Variants in WDR37 observed in about 807,000 individuals in gnomAD.
WDR37 encodes the protein WD repeat domain 37.
Under a neutral mutation model 62.9 loss-of-function variants are expected in WDR37, and 19 were observed. The ratio of observed to expected loss-of-function variants is 0.30; its 90% confidence interval spans 0.21 to 0.44. The LOEUF is 0.44. Ranked by LOEUF, WDR37 falls within the 20% of genes least tolerant of loss-of-function variation. The pLI is 1.00. For synonymous variants in WDR37, 250 were observed against 260.9 expected (o/e 0.96, Z 0.40); for missense variants, 474 against 657.6 (o/e 0.72, Z 3.05).
chr10:1,102,711 C>G (rs1313058414), intron 9 of WDR37, among the ~76,000 whole-genome samples: 1 of 152,192 alleles, frequency 6.6e-6, no homozygotes, highest in African/African-American at 2.4e-5. Context: ...GGCCCGGCCT[C>G]CAACACAGGG....
chr10:1,072,200 A>G lies in WDR37; in HGVS notation c.45A>G (p.Lys15=). ...SASCSTARQT[K]QKRKSHSLSI... ...GTTGTTCGACTGCTCGCCAAACAAA[A>G]CAGAAGCGCAAATCCCATAGCCTTT... Residue 15 remains lysine (K), a synonymous_variant, in exon 2 of 14, where the codon AAA becomes AAG. Transcript: ENST00000263150. The G allele has an allele frequency of 6.2e-7, 1 of 1,614,208 alleles. No homozygotes were observed. Among genetic ancestry groups the G allele is most frequent in the Middle Eastern group, 1.6e-4 (1 of 6,062 alleles).
intron 1 of WDR37, among the ~76,000 whole-genome samples, chr10:1,069,389 A>ATATATATATATATATATTTTTTTTTTTTT: frequency 1.0e-5 from 1 of 95,800 alleles, no homozygotes; most frequent in African/African-American, 4.7e-5. Context: ...ATATATATAT[A>ATATATATATATATATATTTTTTTTTTTTT]TTTTTTTTTT....
At chr10:1,098,265 C>T (rs1312405470) in intron 9 of WDR37, among the ~76,000 whole-genome samples, 1 of 151,618 alleles carries the variant, frequency 6.6e-6, no homozygotes, top group Non-Finnish European at 1.5e-5. Context: ...CACCAGACAG[C>T]TCACCCTTAT....
chr10:1,119,700 G>A (rs1383090733), intron 11 of WDR37, among the ~76,000 whole-genome samples: 3 of 152,166 alleles, frequency 2.0e-5, no homozygotes, highest in East Asian at 1.9e-4. Context: ...TGCCCCCTTC[G>A]CTGGGAGGAG....
intron 9 of WDR37, among the ~76,000 whole-genome samples, chr10:1,102,023 C>T (rs1280932847): frequency 2.0e-5 from 3 of 150,358 alleles, no homozygotes; most frequent in African/African-American, 7.4e-5. Context: ...TCCCTTGCTG[C>T]TGTGCGTCCC....
At chr10:1,126,132 G>C (rs1003213109) in intron 13 of WDR37, among the ~76,000 whole-genome samples, 2 of 152,106 alleles carry the variant, frequency 1.3e-5, no homozygotes, top group Non-Finnish European at 2.9e-5. Flanking sequence ...GTGGCTGGTC[G>C]CAGTGGCTGA....
intron 1 of WDR37, among the ~76,000 whole-genome samples, chr10:1,063,815 C>T (rs892703340): frequency 1.3e-5 from 2 of 152,080 alleles, no homozygotes; most frequent in African/African-American, 2.4e-5. Flanking sequence ...TGCAGGGGTC[C>T]GTGGAGGCTG....
At chr10:1,090,523 A>G (rs570587241) in intron 7 of WDR37, among the ~76,000 whole-genome samples, 1 of 152,128 alleles carries the variant, frequency 6.6e-6, no homozygotes, top group Non-Finnish European at 1.5e-5. Context: ...TGGGAGTTGA[A>G]TCAGTACAAC....
rs59062191 is a variant in WDR37, at chr10:1,082,758, T to TGCACAGCTCCAGCAGCACAGCTCCAGCA, written c.397-1627_397-1600dup. 7.7e-3 allele frequency among the ~76,000 whole-genome samples: 1,167 copies of TGCACAGCTCCAGCAGCACAGCTCCAGCA among 150,668 alleles called. 13 individuals are homozygous for TGCACAGCTCCAGCAGCACAGCTCCAGCA. The highest frequency in any genetic ancestry group is 0.04 in the East Asian group (205 of 5,074). ...TATTTGAAAACGGCACATGATCCCC[T>TGCACAGCTCCAGCAGCACAGCTCCAGCA]GCACAGCTCCAGCAGCACAGCTCCA... On this transcript the variant is annotated intron_variant, in intron 5 of 13. Transcript: ENST00000263150.
chr10:1,103,912 C>A lies in WDR37; in HGVS notation c.961+76C>A. 1 of 1,428,668 alleles carries A rather than the reference C, an allele frequency of 7.0e-7. No individual in the cohort carries two copies. The highest frequency in any genetic ancestry group is 9.6e-7 in the Non-Finnish European group (1 of 1,038,472). The allele number at this position is 1,428,668 out of a possible 1,614,324, so 88.5% of individuals were successfully genotyped here. ...TGTCCATGGGTTATGTCTGACCTTG[C>A]CACTTACTTCTTGACCAGAATGAGT... On this transcript the variant is annotated intron_variant, in intron 10 of 13. Coordinates refer to ENST00000263150, the MANE Select transcript of WDR37 (RefSeq NM_014023.4). The surrounding 1 kb of genome is among the most constrained non-coding windows in gnomAD (Gnocchi z 6.3).
rs1833814507 is a variant in WDR37 at position 1,074,644 on chromosome 10, G to A, written c.138+2351G>A. 3 of 714,586 alleles carry A rather than the reference G, an allele frequency of 4.2e-6. No homozygotes were observed. In the Admixed American group the frequency reaches 8.6e-5, roughly 21 times the overall value. The allele number at this position is 714,586 out of a possible 1,614,324, so 44.3% of individuals were successfully genotyped here. On this transcript the variant is annotated intron_variant, in intron 2 of 13. Coordinates refer to ENST00000263150, the MANE Select transcript of WDR37 (RefSeq NM_014023.4). ...GGTGTCTGCCGCACGCGTTTGGCATGGTAGGTGTGAGGGGGGCGATCTCAG... is the reference window on the plus strand; with the variant it reads ...GGTGTCTGCCGCACGCGTTTGGCATAGTAGGTGTGAGGGGGGCGATCTCAG...
At chr10:1,088,442 G>A (rs993481444) in intron 7 of WDR37, among the ~76,000 whole-genome samples, 2 of 152,172 alleles carry the variant, frequency 1.3e-5, no homozygotes, top group Middle Eastern at 3.2e-3. Flanking sequence ...GTAGGGTTAT[G>A]AATTGGCCTA....
intron 1 of WDR37, among the ~76,000 whole-genome samples, chr10:1,071,900 T>A (rs1327095231): frequency 6.6e-6 from 1 of 152,170 alleles, no homozygotes; most frequent in African/African-American, 2.4e-5. Flanking sequence ...ATTTGATACT[T>A]AAGATGTTAA....
At chr10:1,076,986 C>T (rs377735609) in intron 2 of WDR37, among the ~76,000 whole-genome samples, 57 of 140,128 alleles carry the variant, frequency 4.1e-4, no homozygotes, top group African/African-American at 9.5e-4. Context: ...GGTGACAGAG[C>T]GAGACTCTGT....
At chr10:1,128,997 G>A (rs1589130560) in intron 13 of WDR37, among the ~76,000 whole-genome samples, 1 of 145,670 alleles carries the variant, frequency 6.9e-6, no homozygotes, top group South Asian at 2.1e-4. Flanking sequence ...GCCCATGCAC[G>A]GTGGTCCATG....
At chr10:1,083,723 G>A (rs1182291178) in intron 5 of WDR37, among the ~76,000 whole-genome samples, 3 of 152,226 alleles carry the variant, frequency 2.0e-5, no homozygotes, top group Non-Finnish European at 4.4e-5. Flanking sequence ...ATGCCTTTCT[G>A]TGGTCCGTGA....
At position 1,103,008 on chromosome 10, in the gene WDR37, C is replaced by T. The variant is rs543938378; in HGVS notation, c.727-594C>T. Among the ~76,000 whole-genome samples, 1 of 152,180 alleles carries T rather than the reference C, an allele frequency of 6.6e-6. No individual in the cohort carries two copies. The highest frequency in any genetic ancestry group is 1.5e-5 in the Non-Finnish European group (1 of 68,044). ...GCAGCACCTGGGCTGGGGGTGGGGACTGGCACTCTGTCACCCCCTGATAAA... is the reference window on the plus strand; with the variant it reads ...GCAGCACCTGGGCTGGGGGTGGGGATTGGCACTCTGTCACCCCCTGATAAA... On this transcript the variant is annotated intron_variant, in intron 9 of 13. Transcript: ENST00000263150. The surrounding 1 kb of genome is among the most constrained non-coding windows in gnomAD (Gnocchi z 6.3).
chr10:1,067,782 C>T (rs1833598635), intron 1 of WDR37, among the ~76,000 whole-genome samples: 1 of 152,152 alleles, frequency 6.6e-6, no homozygotes, highest in African/African-American at 2.4e-5. Flanking sequence ...ATACACAGCA[C>T]TGTTCACAAT....
At chr10:1,066,466 CTAAA>C (rs1833557483) in intron 1 of WDR37, among the ~76,000 whole-genome samples, 2 of 152,168 alleles carry the variant, frequency 1.3e-5, no homozygotes, top group East Asian at 3.8e-4. Flanking sequence ...AAAGTAAGAT[CTAAA>C]TAAATACTGT....
Sources: gnomAD v4.1 joint callset for allele counts (sites outside exome capture counted in the v4.1 genomes callset) on GRCh38, gnomAD v4.1.1 for gene constraint, Gnocchi (gnomAD v3.1) non-coding constraint, MANE v1.5 for transcripts, NCBI Gene and HGNC (gene_info 2026-07-23, HGNC 2026-07-21) for gene names.